The following TFPI variants were observed in gnomAD, a reference collection of about 807,000 sequenced individuals.
TFPI encodes the protein anti-convertin.
In TFPI, 15 loss-of-function variants were observed where a neutral mutation model predicts 34.6. The observed-to-expected ratio is 0.43, with a 90% CI of 0.29 to 0.67. The LOEUF (loss-of-function observed/expected upper bound fraction) is 0.67, where lower values mean the gene tolerates loss of function less well. Ranked by LOEUF, TFPI falls within the 30% of genes least tolerant of loss-of-function variation. TFPI has a pLI of 0.15. For missense variants in TFPI, 301 were observed against 364.0 expected (o/e 0.83, Z 1.41); for synonymous variants, 105 against 120.1 (o/e 0.87, Z 0.82).
chr2:187,488,194 T>A (rs189323158), intron 4 of TFPI, 143 bp downstream of exon 4: 185 of 564,578 alleles, frequency 3.3e-4, no homozygotes, highest in African/African-American at 2.8e-3. Context: ...TGGATTTTTT[T>A]AAATCAATCT....
At chr2:187,522,561 TC>T (rs1382990540) in intron 1 of TFPI, among the ~76,000 whole-genome samples, 1 of 151,720 alleles carries the variant, frequency 6.6e-6, no homozygotes, top group Non-Finnish European at 1.5e-5. Flanking sequence ...TATTTTGTCT[TC>T]CTATCACAAA....
intron 6 of TFPI, among the ~76,000 whole-genome samples, chr2:187,472,584 C>G (rs1003637791): frequency 6.6e-6 from 1 of 152,110 alleles, no homozygotes; most frequent in Non-Finnish European, 1.5e-5. Context: ...CCCATGCCAA[C>G]AAAAGTAGAA....
At chr2:187,481,133 A>G (rs1315264319) in intron 6 of TFPI, among the ~76,000 whole-genome samples, 1 of 152,116 alleles carries the variant, frequency 6.6e-6, no homozygotes, top group Non-Finnish European at 1.5e-5. Context: ...AAAGATTGTT[A>G]TTTAGTGGAA....
intron 1 of TFPI, among the ~76,000 whole-genome samples, chr2:187,529,027 G>GT (rs1034592039): frequency 2.0e-5 from 3 of 152,146 alleles, no homozygotes; most frequent in African/African-American, 7.2e-5. Flanking sequence ...GGTAGGACCA[G>GT]TTTTTTGGAA....
intron 1 of TFPI, among the ~76,000 whole-genome samples, chr2:187,545,732 A>T (rs1178733566): frequency 2.0e-5 from 3 of 152,310 alleles, no homozygotes; most frequent in African/African-American, 7.2e-5. Context: ...TAAGAAACAT[A>T]TTTAAACTTA....
chr2:187,467,965 A>T, intron 6 of TFPI, 33 bp from the exon 7 acceptor site: 1 of 1,512,848 alleles, frequency 6.6e-7, no homozygotes, highest in Non-Finnish European at 8.8e-7. Flanking sequence ...GGTAAGCCAT[A>T]TGTGATAGTG....
intron 1 of TFPI, among the ~76,000 whole-genome samples, chr2:187,526,068 G>A (rs1167439026): frequency 6.6e-6 from 1 of 152,090 alleles, no homozygotes; most frequent in East Asian, 1.9e-4. Context: ...GCTTGATAAT[G>A]TTAGCTATTA....
At chr2:187,535,346 C>T (rs1688191954) in intron 1 of TFPI, among the ~76,000 whole-genome samples, 1 of 152,136 alleles carries the variant, frequency 6.6e-6, no homozygotes, top group African/African-American at 2.4e-5. Flanking sequence ...AAGCAAAACA[C>T]TCCTCAGCAA....
chr2:187,504,673 C>A (rs1559126435), intron 1 of TFPI, among the ~76,000 whole-genome samples: 1 of 151,816 alleles, frequency 6.6e-6, no homozygotes, highest in Non-Finnish European at 1.5e-5. Context: ...TCATGCAACA[C>A]AGAAAAATAA....
chr2:187,506,187 T>C (rs1305117100), intron 1 of TFPI, among the ~76,000 whole-genome samples: 5 of 151,974 alleles, frequency 3.3e-5, no homozygotes, highest in Admixed American at 2.0e-4. Flanking sequence ...TTTCTTAAAA[T>C]TAGAAAACAG....
chr2:187,480,522 A>T (rs563006961), intron 6 of TFPI, among the ~76,000 whole-genome samples: 1 of 152,272 alleles, frequency 6.6e-6, no homozygotes, highest in South Asian at 2.1e-4. Context: ...TGGGAATTTA[A>T]CGCATGTCTT....
At chr2:187,543,244 A>G (rs895663509) in intron 1 of TFPI, among the ~76,000 whole-genome samples, 3 of 152,246 alleles carry the variant, frequency 2.0e-5, no homozygotes, top group African/African-American at 7.2e-5. Flanking sequence ...AGAAAATAAA[A>G]TTACATTTTA....
At chr2:187,531,926 AT>A (rs68040026) in intron 1 of TFPI, among the ~76,000 whole-genome samples, 27,968 of 151,558 alleles carry the variant, frequency 0.18, 3,443 homozygotes, top group African/African-American at 0.33. Context: ...TTTATTTAAA[AT>A]TTTTTTTTCA....
chr2:187,542,391 G>A (rs1286716106), intron 1 of TFPI, among the ~76,000 whole-genome samples: 1 of 151,904 alleles, frequency 6.6e-6, no homozygotes, highest in Non-Finnish European at 1.5e-5. Flanking sequence ...AACAGAGAGA[G>A]AGATGAGAAA....
rs978356237 is a variant in TFPI at position 187,466,162 on chromosome 2, T to G, written c.*774A>C. 1 of 152,190 alleles carries G rather than the reference T, an allele frequency of 6.6e-6. No individual in the cohort carries two copies. The highest frequency in any genetic ancestry group is 1.5e-5 in the Non-Finnish European group (1 of 68,028). The allele number at this position is 152,190 out of a possible 1,614,324, so 9.4% of individuals were successfully genotyped here. On this transcript the variant is annotated 3_prime_UTR_variant, in exon 8 of 8. Coordinates refer to ENST00000233156, the MANE Select transcript of TFPI (RefSeq NM_006287.6). ...TATTGGGAAGCATAGTATTAAGAAG[T>G]ACATATAAATAATTCCCTCTCGATT...
At chr2:187,509,167 G>A (rs1420263567) in intron 1 of TFPI, among the ~76,000 whole-genome samples, 2 of 152,194 alleles carry the variant, frequency 1.3e-5, no homozygotes, top group African/African-American at 2.4e-5. Flanking sequence ...TGGTGGATAA[G>A]CTTTTTGAGG....
chr2:187,483,907 T>C (rs1184828651), intron 6 of TFPI: 2 of 507,412 alleles, frequency 3.9e-6, no homozygotes, highest in Non-Finnish European at 6.9e-6. Context: ...ATCAAAAGCT[T>C]ACTTCAAAGC....
At chr2:187,504,385 G>A (rs1686054897) in intron 1 of TFPI, among the ~76,000 whole-genome samples, 1 of 151,980 alleles carries the variant, frequency 6.6e-6, no homozygotes, top group Non-Finnish European at 1.5e-5. Flanking sequence ...TGACATTCGA[G>A]TTAGTCCTCT....
At chr2:187,488,410 A>G in intron 3 of TFPI, 35 bp from the exon 4 acceptor site, 2 of 1,353,908 alleles carry the variant, frequency 1.5e-6, no homozygotes, top group South Asian at 1.6e-5. Flanking sequence ...ATCAATTGTC[A>G]CAATTTATAA....
Sources: gnomAD v4.1 joint callset for allele counts (sites outside exome capture counted in the v4.1 genomes callset) on GRCh38, gnomAD v4.1.1 for gene constraint, MANE v1.5 for transcripts, NCBI Gene and HGNC (gene_info 2026-07-23, HGNC 2026-07-21) for gene names.